PARD3: variants seen among roughly 807,000 people sequenced by gnomAD.
PARD3 encodes the protein par-3 family cell polarity regulator.
Under a neutral mutation model 155.4 loss-of-function variants are expected in PARD3, and 75 were observed. The ratio of observed to expected loss-of-function variants is 0.48; its 90% CI spans 0.40 to 0.58. The LOEUF (loss-of-function observed/expected upper bound fraction) is 0.58, where lower values mean the gene tolerates loss of function less well. Ranked by LOEUF, PARD3 falls within the 20% of genes least tolerant of loss-of-function variation. PARD3 has a pLI of 0.00. For synonymous variants in PARD3, 576 were observed against 610.5 expected (o/e 0.94, Z 0.83); for missense variants, 1,642 against 1,721.7 (o/e 0.95, Z 0.82).
At chr10:34,794,638 A>C (rs1842053381) in intron 1 of PARD3, among the ~76,000 whole-genome samples, 1 of 152,206 alleles carries the variant, frequency 6.6e-6, no homozygotes, top group Admixed American at 6.5e-5. Flanking sequence ...CACCACTTTG[A>C]ACCTCTTAGA....
At chr10:34,433,653 C>T (rs375483295) in intron 5 of PARD3, among the ~76,000 whole-genome samples, 2 of 152,140 alleles carry the variant, frequency 1.3e-5, no homozygotes, top group African/African-American at 4.8e-5. Flanking sequence ...AAACTTTCTC[C>T]AATTTAATCT....
At chr10:34,393,711 C>T (rs982505321) in intron 7 of PARD3, among the ~76,000 whole-genome samples, 2 of 151,936 alleles carry the variant, frequency 1.3e-5, no homozygotes, top group African/African-American at 4.8e-5. Flanking sequence ...GGCAACAAAG[C>T]AAGACCCAGT....
At chr10:34,623,078 T>TAAGA (rs943154462) in intron 2 of PARD3, among the ~76,000 whole-genome samples, 10 of 151,654 alleles carry the variant, frequency 6.6e-5, no homozygotes, top group Non-Finnish European at 1.3e-4. Flanking sequence ...GAAGGCAGAG[T>TAAGA]AAGAAAAGTG....
chr10:34,672,472 A>G (rs896654792), intron 2 of PARD3, among the ~76,000 whole-genome samples: 7 of 152,180 alleles, frequency 4.6e-5, no homozygotes, highest in Admixed American at 1.3e-4. Flanking sequence ...ACAGTTCTCA[A>G]TATGTACCGT....
At chr10:34,723,264 G>A (rs879399625) in intron 1 of PARD3, among the ~76,000 whole-genome samples, 1 of 152,108 alleles carries the variant, frequency 6.6e-6, no homozygotes, top group African/African-American at 2.4e-5. Flanking sequence ...GAACCTAGGA[G>A]GCCTGGGCAA....
intron 1 of PARD3, among the ~76,000 whole-genome samples, chr10:34,733,151 T>G (rs2094849206): frequency 6.6e-6 from 1 of 152,172 alleles, no homozygotes; most frequent in African/African-American, 2.4e-5. Flanking sequence ...AATGAAATAT[T>G]TGCCTGCCTC....
At chr10:34,364,474 G>T (rs1007295238) in intron 12 of PARD3, among the ~76,000 whole-genome samples, 1 of 151,388 alleles carries the variant, frequency 6.6e-6, no homozygotes, top group Non-Finnish European at 1.5e-5. Flanking sequence ...CTGTCATCCA[G>T]GCTGGAGTGC....
intron 1 of PARD3, among the ~76,000 whole-genome samples, chr10:34,769,892 T>C (rs1838650230): frequency 6.6e-6 from 1 of 151,638 alleles, no homozygotes; most frequent in African/African-American, 2.4e-5. Context: ...ATTATAACCA[T>C]TTCATACTTA....
chr10:34,465,707 T>A (rs574526286), intron 4 of PARD3, among the ~76,000 whole-genome samples: 1 of 152,290 alleles, frequency 6.6e-6, no homozygotes, highest in African/African-American at 2.4e-5. Flanking sequence ...TAAGTCTACC[T>A]ATGTTAATTG....
intron 2 of PARD3, among the ~76,000 whole-genome samples, chr10:34,618,841 A>G (rs2091437497): frequency 6.6e-6 from 1 of 152,080 alleles, no homozygotes. Context: ...TCAGTTACAC[A>G]GGTGACTCCT....
chr10:34,455,004 T>C (rs1436289505), intron 4 of PARD3, among the ~76,000 whole-genome samples: 1 of 152,200 alleles, frequency 6.6e-6, no homozygotes, highest in Non-Finnish European at 1.5e-5. Context: ...AGAGGCTCAT[T>C]CCCGGCATAC....
intron 1 of PARD3, among the ~76,000 whole-genome samples, chr10:34,731,065 G>C (rs1302975148): frequency 1.3e-5 from 2 of 152,056 alleles, no homozygotes; most frequent in Non-Finnish European, 2.9e-5. Flanking sequence ...AAAGATATTT[G>C]TGCATACTTG....
At chr10:34,344,455 G>C in intron 15 of PARD3, 1 of 551,966 alleles carries the variant, frequency 1.8e-6, no homozygotes, top group South Asian at 7.9e-5. Context: ...GCTAATTTTT[G>C]TATTTTTCGT....
At chr10:34,115,902 C>T (rs1277669250) in intron 24 of PARD3, among the ~76,000 whole-genome samples, 1 of 152,038 alleles carries the variant, frequency 6.6e-6, no homozygotes, top group Admixed American at 6.5e-5. Flanking sequence ...TTAGTAGAGA[C>T]AAGGTTTCAC....
intron 22 of PARD3, among the ~76,000 whole-genome samples, chr10:34,215,814 C>T (rs1200342326): frequency 6.6e-6 from 1 of 152,168 alleles, no homozygotes. Context: ...CACACGCTGG[C>T]ACAGGTGGAT....
At chr10:34,516,149 G>A (rs966482817) in intron 3 of PARD3, among the ~76,000 whole-genome samples, 3 of 151,938 alleles carry the variant, frequency 2.0e-5, no homozygotes, top group Admixed American at 2.0e-4. Flanking sequence ...ATTTTTAGTA[G>A]AGATGGGGTT....
At position 34,745,975 on chromosome 10, in the gene PARD3, G is replaced by A. The variant is rs188039788; in HGVS notation, c.121-49556C>T. Among the ~76,000 whole-genome samples, 48 of 152,154 alleles carry A rather than the reference G, an allele frequency of 3.2e-4. 2 individuals carry two copies. The East Asian group carries it at 8.1e-3, about 26-fold the overall frequency. ...AAATTAGCCGGGCATGGTGGCGAGCGCCTGTAGTCCCAGCTACTCGGGAGG... is the reference window on the plus strand; with the variant it reads ...AAATTAGCCGGGCATGGTGGCGAGCACCTGTAGTCCCAGCTACTCGGGAGG... On this transcript the variant is annotated intron_variant, in intron 1 of 24. Transcript: ENST00000374788.
At chr10:34,419,281 G>C (rs1163678530) in intron 5 of PARD3, among the ~76,000 whole-genome samples, 1 of 152,162 alleles carries the variant, frequency 6.6e-6, no homozygotes, top group African/African-American at 2.4e-5. Flanking sequence ...ACTTTGGTAA[G>C]CTGAGGCAGG....
At chr10:34,656,232 T>G (rs1207693276) in intron 2 of PARD3, among the ~76,000 whole-genome samples, 2 of 152,190 alleles carry the variant, frequency 1.3e-5, no homozygotes, top group Non-Finnish European at 2.9e-5. Context: ...GTATTCTACT[T>G]TTAACCTTCA....
Sources: allele counts gnomAD v4.1 joint callset (sites outside exome capture counted in the v4.1 genomes callset), GRCh38; gene constraint gnomAD v4.1.1; transcripts MANE v1.5; gene names NCBI Gene and HGNC (gene_info 2026-07-23, HGNC 2026-07-21).